Variants in SKIC3 observed in about 807,000 individuals in gnomAD.
The protein encoded by SKIC3 is SKI3 subunit of superkiller complex.
At chr5:95,489,592 T>G in the SKIC3 span, among the ~76,000 whole-genome samples, 3 of 134,404 alleles carry the variant, frequency 2.2e-5, no homozygotes, top group African/African-American at 8.3e-5. Flanking sequence ...TAGCATCAAA[T>G]AAAATGCACA....
At chr5:95,549,309 T>C in the SKIC3 span, among the ~76,000 whole-genome samples, 3 of 152,136 alleles carry the variant, frequency 2.0e-5, no homozygotes, top group South Asian at 6.2e-4. Context: ...AAGGGACTTA[T>C]TAAACAGAAG....
chr5:95,540,952 AC>A, the SKIC3 span: 2 of 959,382 alleles, frequency 2.1e-6, no homozygotes, highest in Non-Finnish European at 3.2e-6. Context: ...AAAGCATAGA[AC>A]CCCATCTATT....
the SKIC3 span, chr5:95,513,377 AT>A: frequency 0.014 from 6,632 of 458,556 alleles, no homozygotes; most frequent in East Asian, 0.022. Flanking sequence ...CTAATTTTTA[AT>A]TTTTTTTTTT....
chr5:95,523,403 C>T, the SKIC3 span: 1 of 1,447,062 alleles, frequency 6.9e-7, no homozygotes, highest in Non-Finnish European at 9.5e-7. Context: ...AGTACACAAA[C>T]ATATTTTCAT....
chr5:95,528,361 TA>T, the SKIC3 span, among the ~76,000 whole-genome samples: 1 of 152,142 alleles, frequency 6.6e-6, no homozygotes, highest in Non-Finnish European at 1.5e-5. Context: ...TATCTGAATT[TA>T]AAACCTCTAT....
the SKIC3 span, chr5:95,523,520 C>CATTTACAATATAA: frequency 8.0e-7 from 1 of 1,244,614 alleles, no homozygotes; most frequent in Non-Finnish European, 1.1e-6. Flanking sequence ...ACTTCACTTA[C>CATTTACAATATAA]AGAGGCAAAA....
chr5:95,503,086 T>C, the SKIC3 span: 5 of 1,525,524 alleles, frequency 3.3e-6, no homozygotes, highest in Admixed American at 8.8e-5. Context: ...TTTCCAAATT[T>C]TTTAGAAAGG....
chr5:95,498,702 T>A, the SKIC3 span: 1 of 1,003,450 alleles, frequency 1.0e-6, no homozygotes, highest in East Asian at 2.7e-5. Context: ...CTCGGCTCAC[T>A]GCAAGCTCCG....
the SKIC3 span, among the ~76,000 whole-genome samples, chr5:95,477,832 C>T: frequency 6.6e-6 from 1 of 152,126 alleles, no homozygotes; most frequent in African/African-American, 2.4e-5. Context: ...CAAATTTTCC[C>T]TACCAGCATG....
the SKIC3 span, chr5:95,513,072 T>C: frequency 2.2e-5 from 4 of 181,154 alleles, no homozygotes; most frequent in African/African-American, 9.6e-5. Context: ...ACATCATTTC[T>C]TCACCAGCTC....
At chr5:95,469,967 TATTCA>T in the SKIC3 span, 5 of 1,586,376 alleles carry the variant, frequency 3.2e-6, no homozygotes, top group Non-Finnish European at 4.3e-6. Flanking sequence ...ATTTGAAAAG[TATTCA>T]ATTCAATTCT....
the SKIC3 span, among the ~76,000 whole-genome samples, chr5:95,465,493 G>T: frequency 1.3e-5 from 2 of 151,998 alleles, no homozygotes; most frequent in African/African-American, 4.8e-5. Context: ...ACATTTTTTG[G>T]TTGTTCATTG....
At chr5:95,482,814 T>G in the SKIC3 span, among the ~76,000 whole-genome samples, 1 of 152,226 alleles carries the variant, frequency 6.6e-6, no homozygotes, top group Non-Finnish European at 1.5e-5. Flanking sequence ...TATCAAACTT[T>G]ACATTAAAAT....
the SKIC3 span, among the ~76,000 whole-genome samples, chr5:95,476,933 T>C: frequency 0.012 from 1,835 of 152,344 alleles, 35 homozygotes; most frequent in African/African-American, 0.041. Flanking sequence ...TGCTATAGTT[T>C]GCTATTGTTA....
chr5:95,534,382 C>T, the SKIC3 span, among the ~76,000 whole-genome samples: 75 of 152,124 alleles, frequency 4.9e-4, no homozygotes, highest in African/African-American at 1.8e-3. Flanking sequence ...TCTCCCACCC[C>T]TCTAAAAGCT....
At chr5:95,494,598 G>C in the SKIC3 span, 1 of 1,320,588 alleles carries the variant, frequency 7.6e-7, no homozygotes. Flanking sequence ...AATATATATT[G>C]TGTGCAAGAT....
the SKIC3 span, chr5:95,464,566 A>C: frequency 6.8e-7 from 1 of 1,477,342 alleles, no homozygotes; most frequent in Non-Finnish European, 9.4e-7. Flanking sequence ...CTTCATTCTT[A>C]CAGCTTTTTC....
At chr5:95,466,243 G>C in the SKIC3 span, among the ~76,000 whole-genome samples, 36,550 of 152,014 alleles carry the variant, frequency 0.24, 5,721 homozygotes, top group African/African-American at 0.44. Context: ...CAGAGCCATA[G>C]CATGAGAAGT....
chr5:95,516,603 C>A, the SKIC3 span: 1 of 1,613,046 alleles, frequency 6.2e-7, no homozygotes, highest in Non-Finnish European at 8.5e-7. Flanking sequence ...AATACAAAAC[C>A]TGATGAAACT....
Sources: gnomAD v4.1 joint callset for allele counts (sites outside exome capture counted in the v4.1 genomes callset) on GRCh38, gnomAD v4.1.1 for gene constraint, MANE v1.5 for transcripts, NCBI Gene and HGNC (gene_info 2026-07-23, HGNC 2026-07-21) for gene names.